The following MTRF1 variants were observed in gnomAD, a reference collection of about 807,000 sequenced individuals.
MTRF1 encodes the protein peptide chain release factor 1, mitochondrial.
MTRF1 carries 51 observed loss-of-function variants against 62.9 expected under a neutral mutation model. The ratio of observed to expected loss-of-function variants is 0.81; its 90% CI spans 0.65 to 1.02. MTRF1 has a LOEUF of 1.02. MTRF1 is among the 50% of genes least tolerant of loss of function. MTRF1 has a pLI of 0.00. For missense variants in MTRF1, 446 were observed against 530.0 expected (o/e 0.84, Z 1.56); for synonymous variants, 158 against 181.9 (o/e 0.87, Z 1.06).
chr13:41,263,210 C>T (rs2139232768), intron 1 of MTRF1: 2 of 1,218,768 alleles, frequency 1.6e-6, no homozygotes, highest in Non-Finnish European at 2.2e-6. Flanking sequence ...TTTTCAAGGT[C>T]ATGAATCTCA....
At chr13:41,263,438 G>C (rs952973481) in intron 1 of MTRF1, 47 bp downstream of exon 1, 4 of 421,552 alleles carry the variant, frequency 9.5e-6, no homozygotes, top group Non-Finnish European at 1.8e-5. Flanking sequence ...TCCATAAAGA[G>C]GCAATACAGG....
the MTRF1 span, among the ~76,000 whole-genome samples, chr13:41,302,151 C>A: frequency 6.6e-6 from 1 of 152,024 alleles, no homozygotes; most frequent in South Asian, 2.1e-4. Context: ...CTCAGACTCC[C>A]GAGTAGCTGG....
Position 41,217,216 on chromosome 13 carries a change from C to G in MTRF1, c.1237G>C (p.Gly413Arg). 1 of 1,601,074 alleles carries G rather than the reference C, an allele frequency of 6.2e-7. No individual in the cohort carries two copies. Residue 413 changes from glycine to arginine, a missense_variant, in exon 10 of 10, where the codon GGT (glycine) becomes CGT (arginine). Transcript: ENST00000379480. ...ATTAGCTGATCCAGGCCCTTCCCAC[C>G]ACATAAAAATTCCTGGTAAAAGAGA... is the stretch of plus-strand genomic sequence containing the variant. ...EVRDIKEFLC[G>R]GKGLDQLIQR...
chr13:41,308,263 T>C, the MTRF1 span, among the ~76,000 whole-genome samples: 2 of 152,342 alleles, frequency 1.3e-5, no homozygotes, highest in East Asian at 3.9e-4. Flanking sequence ...TATTTACAGT[T>C]GGTACTATGC....
chr13:41,255,503 C>G (rs950493982), intron 2 of MTRF1, among the ~76,000 whole-genome samples: 1 of 152,054 alleles, frequency 6.6e-6, no homozygotes, highest in Non-Finnish European at 1.5e-5. Flanking sequence ...ACCAGCCTGG[C>G]CAAAGTGGTG....
At position 41,259,712 on chromosome 13, in the gene MTRF1, A is replaced by AAAAAAAACAAAAACAAAAAAAAAC. The variant is rs1555268028; in HGVS notation, c.415+780_415+781insGTTTTTTTTTGTTTTTGTTTTTTT. ...GCGAGACTCCGTCTCAAAAAAAAAA[A>AAAAAAAACAAAAACAAAAAAAAAC]AAAAAAAAACATAAAAATAAAAAAT... On this transcript the variant is annotated intron_variant, in intron 2 of 9. Coordinates refer to ENST00000379480, the MANE Select transcript of MTRF1 (RefSeq NM_004294.4). Among the ~76,000 whole-genome samples the AAAAAAAACAAAAACAAAAAAAAAC allele has an allele frequency of 2.9e-3, 396 of 136,732 alleles. 3 individuals are homozygous for AAAAAAAACAAAAACAAAAAAAAAC. The highest frequency in any genetic ancestry group is 0.01 in the African/African-American group (369 of 36,156). The allele number at this position is 136,732 out of a possible 152,430, so 89.7% of individuals were successfully genotyped here.
At chr13:41,218,281 A>ATTTTTTTTTTT (rs199717534) in intron 9 of MTRF1, among the ~76,000 whole-genome samples, 4 of 117,832 alleles carry the variant, frequency 3.4e-5, no homozygotes, top group African/African-American at 1.3e-4. Context: ...CACCCAGCTA[A>ATTTTTTTTTTT]TTTTTTTTTT....
intron 9 of MTRF1, among the ~76,000 whole-genome samples, chr13:41,221,127 T>C (rs1469398793): frequency 6.6e-6 from 1 of 151,966 alleles, no homozygotes; most frequent in Non-Finnish European, 1.5e-5. Flanking sequence ...TCCAGCTTCA[T>C]CTATGATTTG....
intron 9 of MTRF1, 54 bp from the exon 10 acceptor site, chr13:41,217,282 A>T: frequency 2.0e-6 from 2 of 993,000 alleles, no homozygotes; most frequent in East Asian, 2.4e-5. Context: ...ATAAGCAAAG[A>T]CTTTAGTGTT....
intron 2 of MTRF1, among the ~76,000 whole-genome samples, chr13:41,257,481 G>A (rs957985279): frequency 6.6e-6 from 1 of 152,184 alleles, no homozygotes; most frequent in Non-Finnish European, 1.5e-5. Context: ...AAGAGCAGAG[G>A]CTTTGGAATC....
At chr13:41,305,705 C>A in the MTRF1 span, among the ~76,000 whole-genome samples, 1 of 152,174 alleles carries the variant, frequency 6.6e-6, no homozygotes, top group Non-Finnish European at 1.5e-5. Context: ...ATGTGGTCCC[C>A]CACCAGGATC....
Position 41,260,605 on chromosome 13 carries a change from T to A in MTRF1, c.303A>T (p.Glu101Asp). 1 of 1,614,154 alleles carries A rather than the reference T, an allele frequency of 6.2e-7. No homozygotes were observed. ...GCCTTCTGTTCAAGGACCTTCGGTTTTCCTCATTCACAGGGATATGCTGCA... is the reference window on the plus strand; with the variant it reads ...GCCTTCTGTTCAAGGACCTTCGGTTATCCTCATTCACAGGGATATGCTGCA... ...QCLQHIPVNE[E>D]NRRSLNRRHA... The change falls in exon 2 of 10, where the codon GAA becomes GAT. Residue 101 changes from glutamate (E) to aspartate (D), a missense_variant. Physicochemically the swap from Glu to Asp is conservative, Grantham distance 45. Transcript: ENST00000379480.
In MTRF1 at chr13:41,217,220, T is replaced by C. The variant is rs146221732; in HGVS notation, c.1233A>G (p.Leu411=). Residue 411 remains leucine, a synonymous_variant, in exon 10 of 10, where the codon TTA becomes TTG. Transcript: ENST00000379480. ...GCTGATCCAGGCCCTTCCCACCACATAAAAATTCCTGGTAAAAGAGAGAGC... is the reference window on the plus strand; with the variant it reads ...GCTGATCCAGGCCCTTCCCACCACACAAAAATTCCTGGTAAAAGAGAGAGC... ...AYEVRDIKEF[L]CGGKGLDQLI... 4.4e-6 allele frequency: 7 copies of C among 1,596,362 alleles called. No individual in the cohort carries two copies. The African/African-American group carries it at 9.4e-5, about 21-fold the overall frequency.
At chr13:41,277,080 G>GTAAT in the MTRF1 span, among the ~76,000 whole-genome samples, 1 of 151,362 alleles carries the variant, frequency 6.6e-6, no homozygotes, top group Admixed American at 6.6e-5. Flanking sequence ...ATTGATTTGA[G>GTAAT]TAATAACTCT....
intron 1 of MTRF1, chr13:41,261,300 C>T (rs574780497): frequency 1.3e-5 from 2 of 159,220 alleles, no homozygotes; most frequent in East Asian, 3.6e-4. Context: ...TGCCATTGCA[C>T]TCCAGCAAGG....
chr13:41,305,854 G>A, the MTRF1 span, among the ~76,000 whole-genome samples: 2 of 152,136 alleles, frequency 1.3e-5, no homozygotes, highest in Non-Finnish European at 2.9e-5. Flanking sequence ...ACCTTGCTTT[G>A]TGTCCCTCAT....
the MTRF1 span, among the ~76,000 whole-genome samples, chr13:41,282,112 TG>T: frequency 7.1e-6 from 1 of 141,302 alleles, no homozygotes; most frequent in Non-Finnish European, 1.5e-5. Context: ...CACTCCAGCC[TG>T]GGCGACAGAG....
At chr13:41,268,834 G>A in the MTRF1 span, among the ~76,000 whole-genome samples, 1 of 152,060 alleles carries the variant, frequency 6.6e-6, no homozygotes, top group Admixed American at 6.5e-5. Flanking sequence ...ATTATTTAGT[G>A]TATAAGTGTT....
chr13:41,302,518 A>T, the MTRF1 span, among the ~76,000 whole-genome samples: 1 of 150,990 alleles, frequency 6.6e-6, no homozygotes, highest in Non-Finnish European at 1.5e-5. Flanking sequence ...AACACACTAG[A>T]TCTGGATTTT....
Sources: allele counts gnomAD v4.1 joint callset (sites outside exome capture counted in the v4.1 genomes callset), GRCh38; gene constraint gnomAD v4.1.1; transcripts MANE v1.5; gene names NCBI Gene and HGNC (gene_info 2026-07-23, HGNC 2026-07-21).